Variants in NDRG4 observed in about 807,000 individuals in gnomAD.
NDRG4 encodes protein NDRG4.
NDRG4 carries 38 observed loss-of-function variants against 55.8 expected under a neutral mutation model. That is an observed-to-expected ratio of 0.68 (90% CI 0.53 to 0.89). The LOEUF is 0.89. Among genes scored for constraint, NDRG4 ranks in the 40% least tolerant of loss-of-function variants. NDRG4 has a pLI of 0.00. For missense variants in NDRG4, 455 were observed against 468.6 expected, an observed-to-expected ratio of 0.97 and a Z score of 0.27; for synonymous variants, 190 against 182.7, an observed-to-expected ratio of 1.04 and a Z score of -0.32.
At chr16:58,514,105 C>T (rs900149016), downstream of NDRG4, among the ~76,000 whole-genome samples, 14 of 152,196 alleles carry the variant, frequency 9.2e-5, no homozygotes, top group African/African-American at 3.1e-4. Flanking sequence ...CCTAAACATA[C>T]GATCATGTCT....
At chr16:58,502,845 G>A (rs2037338606) in intron 1 of NDRG4, among the ~76,000 whole-genome samples, 1 of 152,170 alleles carries the variant, frequency 6.6e-6, no homozygotes, top group African/African-American at 2.4e-5. Context: ...GGCCCCTCTT[G>A]AAGTTTGCCC....
Position 58,507,789 on chromosome 16 carries a change from C to A in NDRG4, c.621-19C>A, listed in dbSNP as rs772151730. 6.2e-7 allele frequency: 1 copy of A among 1,612,406 alleles called. No homozygotes were observed. Among genetic ancestry groups the A allele is most frequent in the African/African-American group, 1.3e-5 (1 of 74,894 alleles). ...CTGGGGTGCCCACCTCTGCCTCTGCCCCTCCCCCTGCCCCACAGCCGCAGA... is the reference window on the plus strand; with the variant it reads ...CTGGGGTGCCCACCTCTGCCTCTGCACCTCCCCCTGCCCCACAGCCGCAGA... On this transcript the variant is annotated intron_variant, in intron 8 of 14. Coordinates refer to ENST00000570248, the MANE Select transcript of NDRG4 (RefSeq NM_001242835.2).
At chr16:58,472,511 A>G (rs1432353003) in intron 1 of NDRG4, among the ~76,000 whole-genome samples, 11 of 152,150 alleles carry the variant, frequency 7.2e-5, no homozygotes, top group Admixed American at 7.2e-4. Context: ...TGTGATTGCC[A>G]AAGGGAGAGG....
chr16:58,476,049 G>A (rs1215364112), intron 1 of NDRG4, among the ~76,000 whole-genome samples: 4 of 151,996 alleles, frequency 2.6e-5, no homozygotes, highest in South Asian at 4.1e-4. Context: ...CACCTGCCTC[G>A]GCCTCCCCAA....
chr16:58,504,728 C>G (rs2037627293), intron 5 of NDRG4, 79 bp downstream of exon 5: 1 of 1,521,544 alleles, frequency 6.6e-7, no homozygotes, highest in African/African-American at 1.4e-5. Flanking sequence ...TGGGGGGAAC[C>G]CTTCAGCCTT....
intron 2 of NDRG4, among the ~76,000 whole-genome samples, chr16:58,494,535 C>T (rs546922503): frequency 6.2e-4 from 94 of 152,340 alleles, no homozygotes; most frequent in Admixed American, 1.4e-3. Context: ...GTGACAGCCT[C>T]TCTGAGCCTC....
intron 1 of NDRG4, 73 bp from the exon 2 acceptor site, chr16:58,503,725 G>A (rs1358987586): frequency 1.9e-6 from 3 of 1,598,748 alleles, no homozygotes; most frequent in South Asian, 1.1e-5. Flanking sequence ...GTACCAGGCT[G>A]CGTCACCTCA....
chr16:58,489,524 C>T (rs890559024), intron 2 of NDRG4, among the ~76,000 whole-genome samples: 2 of 151,978 alleles, frequency 1.3e-5, no homozygotes, highest in Non-Finnish European at 2.9e-5. Flanking sequence ...AATGCTCCCT[C>T]CTCAGAGAGT....
Position 58,508,007 on chromosome 16 carries a change from A to G in NDRG4, c.729+8A>G. 2 of 1,487,900 alleles carry G rather than the reference A, an allele frequency of 1.3e-6. No individual in the cohort carries two copies. Among genetic ancestry groups the G allele is most frequent in the Non-Finnish European group, 1.8e-6 (2 of 1,096,522 alleles). 92.2% of individuals were successfully genotyped at this position (1,487,900 alleles called of 1,614,324 possible). On this transcript the variant is annotated splice_region_variant and intron_variant, in intron 10 of 14. Coordinates refer to ENST00000570248, the MANE Select transcript of NDRG4 (RefSeq NM_001242835.2). ...CCCGCTGAGGACGGGGTGGTAAGTG[A>G]GGGGCTGTGGGCTCACTGGGGGTGG...
intron 14 of NDRG4, 61 bp downstream of exon 14, chr16:58,510,744 C>T (rs1308768357): frequency 6.9e-7 from 1 of 1,446,200 alleles, no homozygotes; most frequent in East Asian, 2.5e-5. Context: ...CCCGCTCCTT[C>T]CTCTGCGCAG....
chr16:58,504,082 C>T (rs941829331), intron 2 of NDRG4, 72 bp from the exon 3 acceptor site: 2 of 1,603,840 alleles, frequency 1.2e-6, no homozygotes, highest in East Asian at 4.5e-5. Flanking sequence ...CTTGCCTGCC[C>T]TCTGGGGGCC....
chr16:58,494,698 G>GT (rs2036193332), intron 2 of NDRG4, among the ~76,000 whole-genome samples: 1 of 152,096 alleles, frequency 6.6e-6, no homozygotes, highest in Admixed American at 6.6e-5. Flanking sequence ...TGGGTGCGGT[G>GT]TTTCATGCCT....
At chr16:58,471,186 C>CTTTTT (rs528375397) in intron 1 of NDRG4, among the ~76,000 whole-genome samples, 1 of 67,076 alleles carries the variant, frequency 1.5e-5, no homozygotes, top group African/African-American at 5.7e-5. Context: ...ATGTGTGTTG[C>CTTTTT]TTTTTTTTTT....
chr16:58,494,566 G>A (rs2036175336), intron 2 of NDRG4, among the ~76,000 whole-genome samples: 1 of 152,170 alleles, frequency 6.6e-6, no homozygotes, highest in African/African-American at 2.4e-5. Context: ...CCTGTAAGAT[G>A]GAATCCACAC....
chr16:58,507,308 C>T, intron 8 of NDRG4: 1 of 461,892 alleles, frequency 2.2e-6, no homozygotes, highest in South Asian at 3.0e-5. Context: ...GTAACCCAGC[C>T]TTGATGTTGA....
At chr16:58,487,731 C>A (rs1363922548) in intron 1 of NDRG4, 1 of 1,495,534 alleles carries the variant, frequency 6.7e-7, no homozygotes, top group Non-Finnish European at 9.0e-7. Flanking sequence ...CCGCAGCAGG[C>A]CTCAACCTCG....
chr16:58,514,402 G>T (rs561002809), downstream of NDRG4, among the ~76,000 whole-genome samples: 1 of 152,056 alleles, frequency 6.6e-6, no homozygotes, highest in African/African-American at 2.4e-5. Context: ...TCTTAGTTTC[G>T]CAGGTGAGGA....
At chr16:58,499,407 G>C (rs1433989463), upstream of NDRG4, 1 of 152,392 alleles carries the variant, frequency 6.6e-6, no homozygotes, top group African/African-American at 2.4e-5. Context: ...GTGTGTGCCT[G>C]ACCATACCCC....
chr16:58,504,655 T>C lies in NDRG4; in HGVS notation c.372+6T>C, dbSNP rs1321994440. On this transcript the variant is annotated splice_donor_region_variant and intron_variant, in intron 5 of 14. Transcript: ENST00000570248. ...ATGTGCTGGCCAAGTTTGCAGTGAG[T>C]CTCCCCATGCCCCCATTACCCCAAA... The C allele has an allele frequency of 2.5e-6, 4 of 1,613,870 alleles. No homozygotes were observed. The highest frequency in any genetic ancestry group is 8.5e-7 in the Non-Finnish European group (1 of 1,180,016).
Sources: allele counts gnomAD v4.1 joint callset (sites outside exome capture counted in the v4.1 genomes callset), GRCh38; gene constraint gnomAD v4.1.1; transcripts MANE v1.5; gene names NCBI Gene and HGNC (gene_info 2026-07-23, HGNC 2026-07-21).